GPCPD1: variants seen among roughly 807,000 people sequenced by gnomAD.
The protein encoded by GPCPD1 is glycerophosphocholine phosphodiesterase GPCPD1.
GPCPD1 carries 29 observed loss-of-function variants against 89.2 expected under a neutral mutation model. The ratio of observed to expected loss-of-function variants is 0.33; its 90% confidence interval spans 0.24 to 0.44. The LOEUF is 0.44. Ranked by LOEUF, GPCPD1 falls within the 20% of genes least tolerant of loss-of-function variation. The pLI, the probability that GPCPD1 is intolerant of heterozygous loss-of-function variation, is 1.00. For missense variants in GPCPD1, 594 were observed against 808.9 expected, an observed-to-expected ratio of 0.73 and a Z score of 3.22; for synonymous variants, 258 against 266.3, an observed-to-expected ratio of 0.97 and a Z score of 0.30.
At chr20:5,578,357 C>T (rs1978305459) in intron 8 of GPCPD1, 23 bp downstream of exon 8, 1 of 1,286,830 alleles carries the variant, frequency 7.8e-7, no homozygotes, top group African/African-American at 1.5e-5. Context: ...TTTCTCAATC[C>T]CCTCACTGCA....
intron 2 of GPCPD1, among the ~76,000 whole-genome samples, chr20:5,602,482 G>A (rs552487457): frequency 1.1e-3 from 165 of 152,316 alleles, no homozygotes; most frequent in African/African-American, 3.7e-3. Flanking sequence ...ATTCTGCCCA[G>A]GGGTAGAACT....
rs1282365216 is a variant in GPCPD1, at chr20:5,561,515, G to A, written c.1345C>T (p.Pro449Ser). The A allele has an allele frequency of 6.3e-7, 1 of 1,597,560 alleles. No homozygotes were observed. The highest frequency in any genetic ancestry group is 1.3e-5 in the African/African-American group (1 of 74,666). ...PSLKMVLESL[P>S]EDVGFNIEIK... The stretch of plus-strand genomic sequence containing the variant: ...TCAATGTTAAACCCTACATCTTCTG[G>A]CAAAGACTCTAAAACCTACAGTTTT... Residue 449 changes from proline to serine, a missense_variant, in exon 16 of 20, where the codon CCA becomes TCA. Pro to Ser is a moderately conservative substitution (Grantham distance 74). Transcript: ENST00000379019.
At chr20:5,608,848 T>C (rs1310622614) in intron 1 of GPCPD1, among the ~76,000 whole-genome samples, 1 of 152,238 alleles carries the variant, frequency 6.6e-6, no homozygotes, top group Non-Finnish European at 1.5e-5. Flanking sequence ...AAACACTAAA[T>C]GGCATTCTCA....
At chr20:5,558,329 T>C (rs1368122340) in intron 18 of GPCPD1, among the ~76,000 whole-genome samples, 1 of 152,146 alleles carries the variant, frequency 6.6e-6, no homozygotes, top group Non-Finnish European at 1.5e-5. Flanking sequence ...ACATATTGAA[T>C]GTGCAGTCAA....
At position 5,583,382 on chromosome 20, in the gene GPCPD1, A is replaced by T. The variant is rs555274004; in HGVS notation, c.349+899T>A. 3.5e-4 allele frequency among the ~76,000 whole-genome samples: 31 copies of T among 87,454 alleles called. 1 individual carries two copies. Among genetic ancestry groups the T allele is most frequent in the African/African-American group, 1.4e-3 (26 of 18,278 alleles). 57.4% of individuals were successfully genotyped at this position (87,454 alleles called of 152,430 possible). On this transcript the variant is annotated intron_variant, in intron 6 of 19. Transcript: ENST00000379019. ...AACATGGCAAAACCTCATCTATACT[A>T]AAAAAAAATACAAAAATTAGCTGGG...
At position 5,580,126 on chromosome 20, in the gene GPCPD1, C is replaced by T. The variant is rs1228193845; in HGVS notation, c.355G>A (p.Val119Ile). The T allele has an allele frequency of 1.4e-6, 2 of 1,445,706 alleles. No homozygotes were observed. The highest frequency in any genetic ancestry group is 1.9e-5 in the Admixed American group (1 of 53,994). The allele number at this position is 1,445,706 out of a possible 1,614,324, so 89.6% of individuals were successfully genotyped here. Residue 119 changes from valine to isoleucine, a missense_variant, in exon 7 of 20, where the codon GTT becomes ATT. Coordinates refer to ENST00000379019, the MANE Select transcript of GPCPD1 (RefSeq NM_019593.5). ...AGCCATCCAGAATCCAGAGTTTCAACACCATCTGACAGAATAAATATGAAG... is the reference window on the plus strand; with the variant it reads ...AGCCATCCAGAATCCAGAGTTTCAATACCATCTGACAGAATAAATATGAAG... ...DDGQFGIHNG[V>I]ETLDSGWLTC... is the part of the protein sequence containing the mutation.
At chr20:5,586,057 C>A in intron 5 of GPCPD1, 137 bp downstream of exon 5, 1 of 460,866 alleles carries the variant, frequency 2.2e-6, no homozygotes, top group Non-Finnish European at 4.0e-6. Context: ...CCATGAAATG[C>A]TCAGTGAAAT....
chr20:5,589,135 G>C (rs1448418326), intron 4 of GPCPD1, among the ~76,000 whole-genome samples: 2 of 152,000 alleles, frequency 1.3e-5, no homozygotes, highest in African/African-American at 4.8e-5. Context: ...AAAGGGCCAG[G>C]TAAACTGATG....
intron 3 of GPCPD1, among the ~76,000 whole-genome samples, chr20:5,594,887 CTA>C (rs1299507193): frequency 6.6e-6 from 1 of 152,174 alleles, no homozygotes; most frequent in Non-Finnish European, 1.5e-5. Context: ...TACTTCGTGT[CTA>C]TGTCACAGTT....
At chr20:5,559,593 T>TA (rs397687905) in intron 17 of GPCPD1, among the ~76,000 whole-genome samples, 8 of 151,684 alleles carry the variant, frequency 5.3e-5, no homozygotes, top group Non-Finnish European at 7.4e-5. Context: ...CAATTTTTTT[T>TA]AATAAAAGAT....
In GPCPD1 at chr20:5,604,350, A is replaced by T. The variant is rs573718094; in HGVS notation, c.49+14T>A. The stretch of plus-strand genomic sequence containing the variant: ...TTTAATTTTAATTGTTTTAAAGTAA[A>T]ACTTTTACAATACCTGGTAAAAGAG... On this transcript the variant is annotated intron_variant, in intron 2 of 19. Coordinates refer to ENST00000379019, the MANE Select transcript of GPCPD1 (RefSeq NM_019593.5). The T allele has an allele frequency of 4.5e-6, 6 of 1,320,250 alleles. No homozygotes were observed. The highest frequency in any genetic ancestry group is 2.4e-5 in the South Asian group (2 of 82,524). The allele number at this position is 1,320,250 out of a possible 1,614,324, so 81.8% of individuals were successfully genotyped here. A position where few individuals can be genotyped will look rare whatever the true frequency, so the allele number is the denominator to read the frequency against.
intron 11 of GPCPD1, among the ~76,000 whole-genome samples, 154 bp downstream of exon 11, chr20:5,573,761 G>A (rs944305695): frequency 6.6e-6 from 1 of 152,040 alleles, no homozygotes; most frequent in African/African-American, 2.4e-5. Context: ...AAGAAAAGAT[G>A]CTTATGGTTC....
intron 14 of GPCPD1, 21 bp downstream of exon 14, chr20:5,566,712 T>A: frequency 7.0e-7 from 1 of 1,423,420 alleles, no homozygotes; most frequent in Non-Finnish European, 9.9e-7. Context: ...AGGAAAACAG[T>A]GTTTCCATAT....
In GPCPD1 at chr20:5,546,326, A is replaced by G. The variant is rs1369819853; in HGVS notation, c.*1335T>C. On this transcript the variant is annotated 3_prime_UTR_variant, in exon 20 of 20. Transcript: ENST00000379019. Reference sequence around the variant, plus strand: ...TACCAAAATATGTCAATATATGAATAAACTGCCTTGTGAAAAACATGCAGT... The same window carrying G: ...TACCAAAATATGTCAATATATGAATGAACTGCCTTGTGAAAAACATGCAGT... 1 of 152,238 alleles carries G rather than the reference A, an allele frequency of 6.6e-6. No homozygotes were observed. The highest frequency in any genetic ancestry group is 1.5e-5 in the Non-Finnish European group (1 of 68,050). 9.4% of individuals were successfully genotyped at this position (152,238 alleles called of 1,614,324 possible). A position where few individuals can be genotyped will look rare whatever the true frequency, so the allele number is the denominator to read the frequency against.
intron 4 of GPCPD1, among the ~76,000 whole-genome samples, chr20:5,590,124 C>T (rs2122739417): frequency 6.6e-6 from 1 of 152,316 alleles, no homozygotes; most frequent in African/African-American, 2.4e-5. Context: ...TTTAACAAAT[C>T]ACCAAGCAAA....
At chr20:5,607,673 T>A (rs1351319532) in intron 1 of GPCPD1, among the ~76,000 whole-genome samples, 1 of 151,742 alleles carries the variant, frequency 6.6e-6, no homozygotes, top group Admixed American at 6.6e-5. Context: ...AGAGTAAACA[T>A]GGCGGCCAGG....
chr20:5,588,301 T>G (rs896839857), intron 4 of GPCPD1, among the ~76,000 whole-genome samples: 1 of 151,326 alleles, frequency 6.6e-6, no homozygotes, highest in African/African-American at 2.4e-5. Context: ...GGTCAGCAGT[T>G]TGAGACAAGC....
chr20:5,564,448 C>T (rs1317829800), intron 15 of GPCPD1, among the ~76,000 whole-genome samples: 2 of 151,958 alleles, frequency 1.3e-5, no homozygotes, highest in Non-Finnish European at 2.9e-5. Flanking sequence ...TACCAAATTA[C>T]CATACTGAGA....
rs35153907 is a variant in GPCPD1, at chr20:5,583,225, CAAAAAAAAAAAAA to C, written c.349+1043_349+1055del. Among the ~76,000 whole-genome samples, 20 of 64,256 alleles carry C rather than the reference CAAAAAAAAAAAAA, an allele frequency of 3.1e-4. 1 individual carries two copies. Among genetic ancestry groups the C allele is most frequent in the Non-Finnish European group, 1.1e-4 (4 of 36,540 alleles). 42.2% of individuals were successfully genotyped at this position (64,256 alleles called of 152,430 possible). A position where few individuals can be genotyped will look rare whatever the true frequency, so the allele number is the denominator to read the frequency against. On this transcript the variant is annotated intron_variant, in intron 6 of 19. Coordinates refer to ENST00000379019, the MANE Select transcript of GPCPD1 (RefSeq NM_019593.5). ...GGCAACAGGTGCAAAAACTCCATCT[CAAAAAAAAAAAAA>C]AAAAAAAAAAGAATTCCAGTCACCC...
Sources: gnomAD v4.1 joint callset for allele counts (sites outside exome capture counted in the v4.1 genomes callset) on GRCh38, gnomAD v4.1.1 for gene constraint, MANE v1.5 for transcripts, NCBI Gene and HGNC (gene_info 2026-07-23, HGNC 2026-07-21) for gene names.